The following TENM2 variants were observed in gnomAD, a reference collection of about 807,000 sequenced individuals.
TENM2 encodes the protein teneurin-2.
In TENM2, 52 loss-of-function variants were observed where a neutral mutation model predicts 245.2. The ratio of observed to expected loss-of-function variants is 0.21; its 90% CI spans 0.17 to 0.27. The LOEUF (loss-of-function observed/expected upper bound fraction) is 0.27. TENM2 is among the 10% of genes least tolerant of loss of function. The probability of loss-of-function intolerance (pLI) is 1.00; values close to 1 mark genes in which losing one functional copy is unlikely to be tolerated. For missense variants in TENM2, 3,046 were observed against 3,666.8 expected (o/e 0.83, Z 4.37); for synonymous variants, 1,363 against 1,438.9 (o/e 0.95, Z 1.19).
At chr5:168,207,503 T>G (rs1435169001) in intron 19 of TENM2, among the ~76,000 whole-genome samples, 2 of 152,200 alleles carry the variant, frequency 1.3e-5, no homozygotes, top group African/African-American at 4.8e-5. Context: ...TGTTCTTACT[T>G]TCATCAGCCA....
the TENM2 span, among the ~76,000 whole-genome samples, chr5:166,996,870 T>C: frequency 1.3e-5 from 2 of 152,224 alleles, no homozygotes; most frequent in Non-Finnish European, 2.9e-5. Flanking sequence ...CTTTCCATTC[T>C]TTCTTTTCTC....
intron 3 of TENM2, among the ~76,000 whole-genome samples, chr5:167,932,010 A>G (rs551323534): frequency 6.6e-6 from 1 of 152,340 alleles, no homozygotes; most frequent in South Asian, 2.1e-4. Flanking sequence ...GAGATATAAA[A>G]CACCAGAGAA....
chr5:167,141,667 T>G, the TENM2 span, among the ~76,000 whole-genome samples: 1 of 152,212 alleles, frequency 6.6e-6, no homozygotes. Flanking sequence ...ATTAGGTGTC[T>G]TTCCTTCAAT....
chr5:167,563,313 T>C (rs753032124), intron 2 of TENM2, among the ~76,000 whole-genome samples: 1 of 152,212 alleles, frequency 6.6e-6, no homozygotes, highest in Non-Finnish European at 1.5e-5. Flanking sequence ...CTCCTTAGCC[T>C]TTCCATGGTG....
At chr5:167,286,150 C>G (rs1771336168) in intron 1 of TENM2, among the ~76,000 whole-genome samples, 1 of 152,136 alleles carries the variant, frequency 6.6e-6, no homozygotes, top group South Asian at 2.1e-4. Context: ...TTTATACACT[C>G]CTGGTTTACC....
chr5:167,645,250 G>T (rs544829001), intron 2 of TENM2, among the ~76,000 whole-genome samples: 1 of 152,044 alleles, frequency 6.6e-6, no homozygotes, highest in Non-Finnish European at 1.5e-5. Context: ...GTCTTTTCTC[G>T]AGCACAATCA....
At chr5:167,943,055 T>TG (rs762777423) in intron 3 of TENM2, among the ~76,000 whole-genome samples, 9 of 152,234 alleles carry the variant, frequency 5.9e-5, no homozygotes, top group African/African-American at 1.4e-4. Flanking sequence ...TGACACCAGA[T>TG]GCAGTTCAAG....
intron 5 of TENM2, among the ~76,000 whole-genome samples, chr5:168,022,606 G>A (rs1786251232): frequency 6.6e-6 from 1 of 152,226 alleles, no homozygotes; most frequent in African/African-American, 2.4e-5. Context: ...CCAAGCATGA[G>A]TGTTGCAGGA....
intron 5 of TENM2, among the ~76,000 whole-genome samples, chr5:168,005,526 A>T (rs906266201): frequency 1.1e-4 from 16 of 152,170 alleles, no homozygotes. Flanking sequence ...CAAAGCAACA[A>T]AACCAAAAAA....
chr5:166,979,437 G>A, the TENM2 span, among the ~76,000 whole-genome samples: 1 of 151,896 alleles, frequency 6.6e-6, no homozygotes, highest in African/African-American at 2.4e-5. Context: ...AAGGAATTTT[G>A]CTCCAAAGCG....
intron 1 of TENM2, among the ~76,000 whole-genome samples, chr5:167,300,908 T>A (rs998599066): frequency 1.3e-5 from 2 of 152,022 alleles, no homozygotes; most frequent in Non-Finnish European, 2.9e-5. Context: ...AAGGAGTGCT[T>A]AAAAGAGTAT....
At chr5:167,218,757 A>G in the TENM2 span, among the ~76,000 whole-genome samples, 1 of 152,224 alleles carries the variant, frequency 6.6e-6, no homozygotes, top group Non-Finnish European at 1.5e-5. Flanking sequence ...TAATAATGAG[A>G]AGTATAATGG....
At chr5:167,868,368 A>G (rs1772512337) in intron 2 of TENM2, among the ~76,000 whole-genome samples, 1 of 152,186 alleles carries the variant, frequency 6.6e-6, no homozygotes, top group South Asian at 2.1e-4. Flanking sequence ...CTTTATATAA[A>G]TACATAATAT....
At chr5:167,934,912 G>A in intron 3 of TENM2, 5 of 985,568 alleles carry the variant, frequency 5.1e-6, no homozygotes, top group Non-Finnish European at 6.0e-6. Context: ...CTGCCCTTGA[G>A]TCGTCCAGGT....
At chr5:167,459,605 T>G (rs982388827) in intron 2 of TENM2, among the ~76,000 whole-genome samples, 5 of 152,244 alleles carry the variant, frequency 3.3e-5, no homozygotes, top group African/African-American at 1.2e-4. Context: ...TTTTCCATAC[T>G]GATCATACCA....
At chr5:167,066,555 C>T in the TENM2 span, among the ~76,000 whole-genome samples, 6 of 148,608 alleles carry the variant, frequency 4.0e-5, no homozygotes, top group Non-Finnish European at 8.9e-5. Flanking sequence ...CAACAGTCCC[C>T]GGAGTGTGAT....
At chr5:167,459,920 A>C (rs1005719625) in intron 2 of TENM2, among the ~76,000 whole-genome samples, 1 of 151,520 alleles carries the variant, frequency 6.6e-6, no homozygotes, top group Non-Finnish European at 1.5e-5. Context: ...AAACACACAC[A>C]CACACACACA....
At chr5:167,648,784 C>T (rs1780142174) in intron 2 of TENM2, among the ~76,000 whole-genome samples, 2 of 152,164 alleles carry the variant, frequency 1.3e-5, no homozygotes, top group African/African-American at 4.8e-5. Flanking sequence ...CAGTTAATTA[C>T]TAGTCAAAAT....
intron 3 of TENM2, among the ~76,000 whole-genome samples, chr5:167,879,401 T>C (rs767031337): frequency 3.3e-5 from 5 of 152,206 alleles, no homozygotes; most frequent in South Asian, 2.1e-4. Context: ...TGGCTCATTC[T>C]GTGTTCTGAC....
Sources: gnomAD v4.1 joint callset for allele counts (sites outside exome capture counted in the v4.1 genomes callset) on GRCh38, gnomAD v4.1.1 for gene constraint, MANE v1.5 for transcripts, NCBI Gene and HGNC (gene_info 2026-07-23, HGNC 2026-07-21) for gene names.